The following LRP1 variants were observed in gnomAD, a reference collection of about 807,000 sequenced individuals.
The protein encoded by LRP1 is LDL receptor related protein 1.
In LRP1, 51 loss-of-function variants were observed where a neutral mutation model predicts 541.5. That is an observed-to-expected ratio of 0.09 (90% CI 0.08 to 0.12). LRP1 has a LOEUF of 0.12. LRP1 is among the 10% of genes least tolerant of loss of function. LRP1 has a pLI of 1.00. For synonymous variants in LRP1, 2,219 were observed against 2,470.8 expected, an observed-to-expected ratio of 0.90 and a Z score of 3.02; for missense variants, 3,878 against 6,376.2, an observed-to-expected ratio of 0.61 and a Z score of 13.34.
At position 57,194,460 on chromosome 12, in the gene LRP1, C is replaced by T. The variant is rs147045429; in HGVS notation, c.8025C>T (p.Gly2675=). The T allele has an allele frequency of 3.4e-5, 53 of 1,569,658 alleles. No individual in the cohort carries two copies. Among genetic ancestry groups the T allele is most frequent in the Middle Eastern group, 3.4e-4 (2 of 5,886 alleles). The change falls in exon 49 of 89, where the codon GGC becomes GGT. Residue 2675 remains glycine (G), a synonymous_variant. Coordinates refer to ENST00000243077, the MANE Select transcript of LRP1 (RefSeq NM_002332.3). ...LCYAPSWVCD[G]ANDCGDYSDE... ...ACGCACCCAGCTGGGTGTGTGATGG[C>T]GCCAATGACTGTGGGGACTACAGTG...
At chr12:57,193,543 G>T (rs185266948) in intron 46 of LRP1, 23 bp from the exon 47 acceptor site, 2 of 1,609,546 alleles carry the variant, frequency 1.2e-6, no homozygotes, top group South Asian at 1.1e-5. Context: ...TGGCTGACAC[G>T]CAGCCTACTC....
Position 57,204,761 on chromosome 12 carries a change from G to T in LRP1, c.11194+12G>T, listed in dbSNP as rs1268144508. 2.5e-6 allele frequency: 4 copies of T among 1,613,614 alleles called. No homozygotes were observed. In the Admixed American group the frequency reaches 6.7e-5, roughly 27 times the overall value. ...TGAAGAGGACTGTGGTGAGCAGGGG[G>T]CCGACGAGAGGCCTGCAGGGGACGG... On this transcript the variant is annotated intron_variant, in intron 72 of 88. Coordinates refer to ENST00000243077, the MANE Select transcript of LRP1 (RefSeq NM_002332.3). The surrounding 1 kb of genome is among the most constrained non-coding windows in gnomAD (Gnocchi z 5.3).
Position 57,197,308 on chromosome 12 carries a change from C to T in LRP1, c.9086C>T (p.Pro3029Leu), listed in dbSNP as rs1195200856. Residue 3029 changes from proline (P) to leucine (L), a missense_variant, in exon 57 of 89, where the codon CCG becomes CTG. This residue lies in a region of LRP1 where 1,100 missense variants were observed against 1,827.4 expected (regional missense o/e 0.60). Transcript: ENST00000243077. This position sits in a 1 kb window ranked among gnomAD's most constrained non-coding sequence, Gnocchi z 4.5. Reference protein sequence around the residue: ...HSCKAVTDEEPFLIFANRYYL... With the variant: ...HSCKAVTDEELFLIFANRYYL... ...GATCCTCTGTCTGCAGACGAGGAAC[C>T]GTTTCTGATCTTCGCCAACCGGTAC... 1.2e-6 allele frequency: 2 copies of T among 1,614,114 alleles called. No homozygotes were observed. Among genetic ancestry groups the T allele is most frequent in the South Asian group, 2.2e-5 (2 of 91,078 alleles).
At chr12:57,148,946 T>C (rs1186259929) in intron 6 of LRP1, 2 of 587,662 alleles carry the variant, frequency 3.4e-6, no homozygotes, top group Non-Finnish European at 6.1e-6. Flanking sequence ...ACTTTTCCCT[T>C]CCTCTCCCTT....
rs34010163 is a variant in LRP1, at chr12:57,177,947, C to CTTTTTT, written c.4361+370_4361+375dup. 1.2e-4 allele frequency among the ~76,000 whole-genome samples: 14 copies of CTTTTTT among 121,354 alleles called. No individual in the cohort carries two copies. The highest frequency in any genetic ancestry group is 1.8e-4 in the Non-Finnish European group (11 of 59,786). 79.6% of individuals were successfully genotyped at this position (121,354 alleles called of 152,430 possible). Reference sequence around the variant, plus strand: ...CCCAGGGAGGGTGCCTTTTTCTTTTCTTTTTTTTTTTTTTTTTTTGAGACA... The same window carrying CTTTTTT: ...CCCAGGGAGGGTGCCTTTTTCTTTTCTTTTTTTTTTTTTTTTTTTTTTTTTGAGACA... On this transcript the variant is annotated intron_variant, in intron 26 of 88. Coordinates refer to ENST00000243077, the MANE Select transcript of LRP1 (RefSeq NM_002332.3). The surrounding 1 kb of genome is among the most constrained non-coding windows in gnomAD (Gnocchi z 6.8).
chr12:57,186,132 C>G (rs979120101), intron 41 of LRP1, among the ~76,000 whole-genome samples: 1 of 152,198 alleles, frequency 6.6e-6, no homozygotes, highest in Non-Finnish European at 1.5e-5. Context: ...CAGAGCTGCA[C>G]AGAACAAGCG....
intron 1 of LRP1, among the ~76,000 whole-genome samples, chr12:57,131,796 C>T (rs1306471191): frequency 1.3e-5 from 2 of 152,166 alleles, no homozygotes; most frequent in Non-Finnish European, 2.9e-5. Flanking sequence ...CACTGAGCCT[C>T]CCAAAGGATG....
chr12:57,144,841 T>C (rs1054307307), intron 4 of LRP1, 131 bp from the exon 5 acceptor site: 7 of 890,078 alleles, frequency 7.9e-6, no homozygotes, highest in Non-Finnish European at 1.3e-5. Flanking sequence ...CATTTCATGC[T>C]GTAATAGATT....
intron 20 of LRP1, among the ~76,000 whole-genome samples, chr12:57,172,270 C>T (rs2035961279): frequency 6.6e-6 from 1 of 151,972 alleles, no homozygotes; most frequent in Admixed American, 6.6e-5. Context: ...TCCCAGTTCA[C>T]GCCATTCTCC....
At position 57,211,653 on chromosome 12, in the gene LRP1, G is replaced by A; in HGVS notation, c.13193+65G>A. On this transcript the variant is annotated intron_variant, in intron 85 of 88. Coordinates refer to ENST00000243077, the MANE Select transcript of LRP1 (RefSeq NM_002332.3). The surrounding 1 kb of genome is among the most constrained non-coding windows in gnomAD (Gnocchi z 4.3). Reference sequence around the variant, plus strand: ...CTCCCTTCCCCAGATTTGAGCAGGAGGACCGTCAGGCCTCAGTGCCCACCC... The same window carrying A: ...CTCCCTTCCCCAGATTTGAGCAGGAAGACCGTCAGGCCTCAGTGCCCACCC... The A allele has an allele frequency of 1.9e-6, 3 of 1,599,430 alleles. No homozygotes were observed. The highest frequency in any genetic ancestry group is 2.6e-6 in the Non-Finnish European group (3 of 1,167,320).
In LRP1 at chr12:57,154,211, T is replaced by C; in HGVS notation, c.845T>C (p.Val282Ala). The C allele has an allele frequency of 6.2e-7, 1 of 1,613,668 alleles. No individual in the cohort carries two copies. Among genetic ancestry groups the C allele is most frequent in the Non-Finnish European group, 8.5e-7 (1 of 1,179,678 alleles). ...TINISLSLHH[V>A]EQMAIDWLTG... ...CTCTTTCATTCGTACTCTCCAGACG[T>C]GGAACAGATGGCCATCGACTGGCTG... Residue 282 changes from valine (V) to alanine (A), a missense_variant, in exon 7 of 89, where the codon GTG becomes GCG. Val to Ala is a moderately conservative substitution (Grantham distance 64, BLOSUM62 0). Coordinates refer to ENST00000243077, the MANE Select transcript of LRP1 (RefSeq NM_002332.3). The surrounding 1 kb of genome is among the most constrained non-coding windows in gnomAD (Gnocchi z 4.6).
At position 57,154,176 on chromosome 12, in the gene LRP1, C is replaced by T. The variant is rs773546938; in HGVS notation, c.842-32C>T. ...GGCATCTCTGCAAGAGGGCCTACCCCACCCCATGGCTCTTTCATTCGTACT... is the reference window on the plus strand; with the variant it reads ...GGCATCTCTGCAAGAGGGCCTACCCTACCCCATGGCTCTTTCATTCGTACT... On this transcript the variant is annotated intron_variant, in intron 6 of 88. Coordinates refer to ENST00000243077, the MANE Select transcript of LRP1 (RefSeq NM_002332.3). The surrounding 1 kb of genome is among the most constrained non-coding windows in gnomAD (Gnocchi z 4.6). 3 of 1,595,034 alleles carry T rather than the reference C, an allele frequency of 1.9e-6. No individual in the cohort carries two copies. Among genetic ancestry groups the T allele is most frequent in the Non-Finnish European group, 2.6e-6 (3 of 1,165,770 alleles).
At chr12:57,175,348 G>A (rs2036021359) in intron 22 of LRP1, 112 bp from the exon 23 acceptor site, 6 of 1,283,754 alleles carry the variant, frequency 4.7e-6, no homozygotes, top group Non-Finnish European at 6.6e-6. Flanking sequence ...GCCGTGGGCA[G>A]GGCACAAGGA....
intron 24 of LRP1, 73 bp from the exon 25 acceptor site, chr12:57,176,968 G>A: frequency 2.2e-6 from 3 of 1,349,766 alleles, no homozygotes; most frequent in Non-Finnish European, 3.2e-6. Context: ...GTCATCGAGG[G>A]CTCCCAGGAT....
Position 57,154,737 on chromosome 12 carries a change from C to A in LRP1, c.1227+36C>A. The A allele has an allele frequency of 1.3e-6, 2 of 1,537,818 alleles. No individual in the cohort carries two copies. Among genetic ancestry groups the A allele is most frequent in the Non-Finnish European group, 1.8e-6 (2 of 1,134,722 alleles). On this transcript the variant is annotated intron_variant, in intron 8 of 88. Transcript: ENST00000243077. The surrounding 1 kb of genome is among the most constrained non-coding windows in gnomAD (Gnocchi z 4.6). ...TACTGTCTGAGGTTTTGTGGGGGAA[C>A]CATGATCCAGGGCCTTCTGGTGAGG...
rs372991872 is a variant in LRP1, at chr12:57,204,429, C to T, written c.10971C>T (p.Asp3657=). The T allele has an allele frequency of 2.7e-5, 42 of 1,549,318 alleles. No homozygotes were observed. The highest frequency in any genetic ancestry group is 6.8e-5 in the East Asian group (3 of 44,286). Residue 3657 remains aspartate (D), a synonymous_variant, in exon 71 of 89, where the codon GAC becomes GAT. Transcript: ENST00000243077. The surrounding 1 kb of genome is among the most constrained non-coding windows in gnomAD (Gnocchi z 5.3). ...CACCAGTGCGGACCTGCCCCCTGGACGAGTTCCAGTGCAACAACACCTTGT... is the reference window on the plus strand; with the variant it reads ...CACCAGTGCGGACCTGCCCCCTGGATGAGTTCCAGTGCAACAACACCTTGT... ...CGTGVRTCPL[D]EFQCNNTLCK...
chr12:57,210,679 C>T (rs2036891799), intron 82 of LRP1, 39 bp from the exon 83 acceptor site: 24 of 1,584,092 alleles, frequency 1.5e-5, no homozygotes, highest in Non-Finnish European at 2.1e-5. Context: ...CAGGTGGTCT[C>T]GAGGGCCACA....
At chr12:57,132,860 C>A (rs563706806) in intron 1 of LRP1, among the ~76,000 whole-genome samples, 21 of 152,286 alleles carry the variant, frequency 1.4e-4, no homozygotes, top group African/African-American at 4.6e-4. Flanking sequence ...CCACTCACCC[C>A]CTGGCTCCCT....
intron 1 of LRP1, among the ~76,000 whole-genome samples, chr12:57,137,835 T>C (rs1592601017): frequency 6.7e-6 from 1 of 149,898 alleles, no homozygotes; most frequent in African/African-American, 2.4e-5. Context: ...GAAGCAAGGC[T>C]CTCTACCCTG....
Sources: gnomAD v4.1 joint callset for allele counts (sites outside exome capture counted in the v4.1 genomes callset) on GRCh38, gnomAD v4.1.1 for gene constraint, gnomAD v4.1.1 regional missense constraint, Gnocchi (gnomAD v3.1) non-coding constraint, MANE v1.5 for transcripts, NCBI Gene and HGNC (gene_info 2026-07-23, HGNC 2026-07-21) for gene names.